Variants in CCNY observed in about 807,000 individuals in gnomAD.
CCNY encodes the protein cyclin Y.
CCNY carries 19 observed loss-of-function variants against 42.8 expected under a neutral mutation model. The observed-to-expected ratio is 0.44, with a 90% CI of 0.31 to 0.65. CCNY has a LOEUF of 0.65. Ranked by LOEUF, CCNY falls within the 30% of genes least tolerant of loss-of-function variation. The pLI is 0.07. For missense variants in CCNY, 370 were observed against 437.3 expected, an observed-to-expected ratio of 0.85 and a Z score of 1.37; for synonymous variants, 165 against 162.7, an observed-to-expected ratio of 1.01 and a Z score of -0.11.
At chr10:35,548,518 G>T (rs184822038) in intron 7 of CCNY, among the ~76,000 whole-genome samples, 9 of 151,916 alleles carry the variant, frequency 5.9e-5, no homozygotes, top group African/African-American at 2.2e-4. Context: ...GGATGGTCTC[G>T]ATCTCCTGAC....
intron 1 of CCNY, chr10:35,455,349 T>A (rs1381206892): frequency 6.6e-6 from 1 of 152,224 alleles, no homozygotes; most frequent in Non-Finnish European, 1.5e-5. Context: ...TCTACTCCTG[T>A]TCTCTAGCAC....
At chr10:35,545,026 C>T (rs1589195625) in intron 7 of CCNY, among the ~76,000 whole-genome samples, 1 of 152,264 alleles carries the variant, frequency 6.6e-6, no homozygotes, top group African/African-American at 2.4e-5. Flanking sequence ...TGTGTGTGCA[C>T]GCATGTACAC....
intron 1 of CCNY, among the ~76,000 whole-genome samples, chr10:35,367,072 G>C (rs972512697): frequency 3.3e-5 from 5 of 152,202 alleles, no homozygotes; most frequent in Non-Finnish European, 1.5e-5. Context: ...GTGTGGAAAT[G>C]ATGTTACCAT....
chr10:35,255,741 T>C (rs1362034882), intron 3 of CCNY, among the ~76,000 whole-genome samples: 1 of 151,032 alleles, frequency 6.6e-6, no homozygotes, highest in African/African-American at 2.4e-5. Context: ...ACCACATGCA[T>C]GTGCCACCAT....
chr10:35,323,079 C>A (rs1021157839), intron 3 of CCNY, among the ~76,000 whole-genome samples: 1 of 152,156 alleles, frequency 6.6e-6, no homozygotes, highest in African/African-American at 2.4e-5. Context: ...GTGTGTGCCA[C>A]CATGCGTGGC....
intron 3 of CCNY, among the ~76,000 whole-genome samples, chr10:35,502,051 A>T (rs966916053): frequency 6.6e-6 from 1 of 152,218 alleles, no homozygotes; most frequent in African/African-American, 2.4e-5. Flanking sequence ...AAAGATGTTC[A>T]AACATTTGGC....
chr10:35,258,731 T>G (rs1004387132), intron 3 of CCNY, among the ~76,000 whole-genome samples: 1 of 151,060 alleles, frequency 6.6e-6, no homozygotes, highest in Non-Finnish European at 1.5e-5. Flanking sequence ...AGGTCAGGAG[T>G]TCAAGACCAG....
In CCNY at chr10:35,571,767, A is replaced by G. The variant is rs1464675992; in HGVS notation, c.*2597A>G. 1.3e-5 allele frequency: 2 copies of G among 152,388 alleles called. No individual in the cohort carries two copies. The highest frequency in any genetic ancestry group is 4.8e-5 in the African/African-American group (2 of 41,466). 9.4% of individuals were successfully genotyped at this position (152,388 alleles called of 1,614,324 possible). A position where few individuals can be genotyped will look rare whatever the true frequency, so the allele number is the denominator to read the frequency against. On this transcript the variant is annotated 3_prime_UTR_variant, in exon 10 of 10. Coordinates refer to ENST00000374704, the MANE Select transcript of CCNY (RefSeq NM_145012.6). ...TGTTTGTAAGGCGAATTAATGCTCTACAATTAAAGCTGGATTACTATTGAG... is the reference window on the plus strand; with the variant it reads ...TGTTTGTAAGGCGAATTAATGCTCTGCAATTAAAGCTGGATTACTATTGAG...
intron 1 of CCNY, among the ~76,000 whole-genome samples, chr10:35,382,722 G>C (rs1051772983): frequency 2.6e-5 from 4 of 152,132 alleles, no homozygotes; most frequent in African/African-American, 9.7e-5. Context: ...ACTTAAACTT[G>C]CATGGCCGGC....
intron 3 of CCNY, among the ~76,000 whole-genome samples, chr10:35,328,795 T>C (rs1284281794): frequency 6.6e-6 from 1 of 152,242 alleles, no homozygotes; most frequent in Non-Finnish European, 1.5e-5. Flanking sequence ...AGCTTTATTT[T>C]GGTCTACCAC....
At chr10:35,248,598 G>A (rs1383583173) in intron 2 of CCNY, among the ~76,000 whole-genome samples, 2 of 151,894 alleles carry the variant, frequency 1.3e-5, no homozygotes, top group Admixed American at 6.6e-5. Flanking sequence ...GTGAGCCAAG[G>A]TCATCATTCC....
At chr10:35,399,275 T>A (rs968758072) in intron 1 of CCNY, among the ~76,000 whole-genome samples, 1 of 144,310 alleles carries the variant, frequency 6.9e-6, no homozygotes, top group Non-Finnish European at 1.5e-5. Context: ...CCGTGGAGGC[T>A]GTGGACTGCA....
At chr10:35,543,132 C>G (rs1427432983) in intron 7 of CCNY, among the ~76,000 whole-genome samples, 3 of 151,996 alleles carry the variant, frequency 2.0e-5, no homozygotes, top group Admixed American at 2.0e-4. Context: ...TGTTTAAAAC[C>G]CCACTAATCG....
intron 3 of CCNY, among the ~76,000 whole-genome samples, chr10:35,300,499 C>T (rs1190861554): frequency 1.3e-5 from 2 of 152,098 alleles, no homozygotes; most frequent in Non-Finnish European, 2.9e-5. Context: ...CTGTTTATTG[C>T]AGTAGGGCAA....
chr10:35,433,330 A>G (rs1838455039), intron 1 of CCNY, among the ~76,000 whole-genome samples: 1 of 152,154 alleles, frequency 6.6e-6, no homozygotes, highest in South Asian at 2.1e-4. Context: ...ACTTTTTTCA[A>G]GTCCTAGAAT....
intron 1 of CCNY, among the ~76,000 whole-genome samples, chr10:35,358,122 G>A (rs988910253): frequency 2.6e-5 from 4 of 151,128 alleles, no homozygotes; most frequent in South Asian, 2.1e-4. Flanking sequence ...TTTGCCCCCC[G>A]CAAGAAGTAT....
intron 1 of CCNY, among the ~76,000 whole-genome samples, chr10:35,446,340 T>G (rs1247747725): frequency 2.0e-5 from 3 of 152,208 alleles, no homozygotes; most frequent in Non-Finnish European, 4.4e-5. Flanking sequence ...GTCAAATGCC[T>G]AAAATATTCT....
intron 2 of CCNY, among the ~76,000 whole-genome samples, chr10:35,497,764 T>C (rs1213996687): frequency 6.6e-6 from 1 of 151,704 alleles, no homozygotes; most frequent in Non-Finnish European, 1.5e-5. Context: ...ACTTATCTTA[T>C]TCCCCCTATG....
At chr10:35,505,925 A>C (rs192136463) in intron 3 of CCNY, among the ~76,000 whole-genome samples, 2 of 152,302 alleles carry the variant, frequency 1.3e-5, no homozygotes, top group African/African-American at 2.4e-5. Flanking sequence ...TTCAGTTCCA[A>C]ATCAGTTTCT....
Sources: gnomAD v4.1 joint callset for allele counts (sites outside exome capture counted in the v4.1 genomes callset) on GRCh38, gnomAD v4.1.1 for gene constraint, MANE v1.5 for transcripts, NCBI Gene and HGNC (gene_info 2026-07-23, HGNC 2026-07-21) for gene names.